Variants in ASAP2 observed in about 807,000 individuals in gnomAD.
ASAP2 encodes the protein ArfGAP with SH3 domain, ankyrin repeat and PH domain 2.
ASAP2 carries 45 observed loss-of-function variants against 131.4 expected under a neutral mutation model. The observed-to-expected ratio is 0.34, with a 90% CI of 0.27 to 0.44. The LOEUF is 0.44. Among genes scored for constraint, ASAP2 ranks in the 20% least tolerant of loss-of-function variants. ASAP2 has a pLI of 1.00. For missense variants in ASAP2, 1,011 were observed against 1,297.0 expected, an observed-to-expected ratio of 0.78 and a Z score of 3.39; for synonymous variants, 510 against 503.0, an observed-to-expected ratio of 1.01 and a Z score of -0.19.
At chr2:9,366,014 G>A (rs984046266) in intron 15 of ASAP2, among the ~76,000 whole-genome samples, 1 of 152,156 alleles carries the variant, frequency 6.6e-6, no homozygotes, top group Non-Finnish European at 1.5e-5. Flanking sequence ...TGAGAAGCAG[G>A]AGATGCCAGG....
rs185697790 is a variant in ASAP2, at chr2:9,341,309, C to T, written c.850-3223C>T. On this transcript the variant is annotated intron_variant, in intron 9 of 27. Coordinates refer to ENST00000281419, the MANE Select transcript of ASAP2 (RefSeq NM_003887.3). ...TCACCTAGAGGATACTGAAGTAATT[C>T]GCACTAAAACAGTTTCAATTTTATG... is the stretch of plus-strand genomic sequence containing the variant. Among the ~76,000 whole-genome samples, 320 of 152,230 alleles carry T rather than the reference C, an allele frequency of 2.1e-3. 1 individual carries two copies. The highest frequency in any genetic ancestry group is 2.9e-3 in the Non-Finnish European group (197 of 68,004).
chr2:9,211,663 C>T (rs1343178197), intron 1 of ASAP2, among the ~76,000 whole-genome samples: 1 of 152,158 alleles, frequency 6.6e-6, no homozygotes, highest in Non-Finnish European at 1.5e-5. Context: ...CTGTCATAAG[C>T]ACAGGGTTCT....
chr2:9,362,839 C>G (rs930234779), intron 15 of ASAP2, among the ~76,000 whole-genome samples: 2 of 152,088 alleles, frequency 1.3e-5, no homozygotes, highest in Non-Finnish European at 2.9e-5. Flanking sequence ...GTGAGACTGT[C>G]TCAAAACAAA....
At chr2:9,331,392 T>C (rs1670828565) in intron 7 of ASAP2, among the ~76,000 whole-genome samples, 1 of 152,232 alleles carries the variant, frequency 6.6e-6, no homozygotes, top group Admixed American at 6.5e-5. Flanking sequence ...ACTTGTCTTA[T>C]TAGTCTTTGC....
At chr2:9,393,763 C>CAT (rs1293618576) in intron 24 of ASAP2, 116 bp downstream of exon 24, 1 of 1,124,624 alleles carries the variant, frequency 8.9e-7, no homozygotes, top group Non-Finnish European at 1.2e-6. Context: ...GTGGGCGCCA[C>CAT]ATAACTAATT....
In ASAP2 at chr2:9,356,072, T is replaced by A. The variant is rs1337699046; in HGVS notation, c.1137T>A (p.Ala379=). ...ATGACAGAACTTACCACTTTCAAGC[T>A]GAAGATGAACAGGAATGTCAAATGT... ...ISHDRTYHFQ[A]EDEQECQIWM... is the part of the protein sequence containing the mutation. Residue 379 remains alanine, a synonymous_variant, in exon 13 of 28, where the codon GCT becomes GCA. Coordinates refer to ENST00000281419, the MANE Select transcript of ASAP2 (RefSeq NM_003887.3). 2.5e-6 allele frequency: 4 copies of A among 1,614,212 alleles called. No individual in the cohort carries two copies. The highest frequency in any genetic ancestry group is 3.4e-6 in the Non-Finnish European group (4 of 1,180,042).
intron 20 of ASAP2, among the ~76,000 whole-genome samples, chr2:9,384,861 G>A (rs1391633256): frequency 6.6e-6 from 1 of 152,212 alleles, no homozygotes; most frequent in African/African-American, 2.4e-5. Flanking sequence ...TCTGGGGAGG[G>A]CCTTAAGACC....
rs763555998 is a variant in ASAP2, at chr2:9,207,114, C to G, written c.10C>G (p.Gln4Glu). Reference sequence around the variant, plus strand: ...CCCTCGCGCCGAGGCGATGCCGGACCAGATCTCCGTGTCGGAATTCGTGGC... The same window carrying G: ...CCCTCGCGCCGAGGCGATGCCGGACGAGATCTCCGTGTCGGAATTCGTGGC... MPD[Q>E]ISVSEFVAET... The change falls in exon 1 of 28, where the codon CAG (glutamine) becomes GAG (glutamate). Residue 4 changes from glutamine (Q) to glutamate (E), a missense_variant. Gln to Glu is a conservative substitution (Grantham distance 29). Around this residue, in one of 2 missense-constraint regions of ASAP2, gnomAD observed 359 missense variants for 598.1 expected, o/e 0.60. Transcript: ENST00000281419. This position sits in a 1 kb window ranked among gnomAD's most constrained non-coding sequence, Gnocchi z 4.1. 2.2e-5 allele frequency: 35 copies of G among 1,593,888 alleles called. No individual in the cohort carries two copies. Among genetic ancestry groups the G allele is most frequent in the Non-Finnish European group, 2.6e-6 (3 of 1,171,334 alleles).
intron 14 of ASAP2, among the ~76,000 whole-genome samples, chr2:9,358,055 G>A (rs954338607): frequency 6.6e-6 from 1 of 152,184 alleles, no homozygotes; most frequent in Non-Finnish European, 1.5e-5. Flanking sequence ...GCTGTGAGGG[G>A]AAAACGTGGC....
Position 9,403,298 on chromosome 2 carries a change from G to T in ASAP2, c.2992G>T (p.Val998Leu). Residue 998 changes from valine (V) to leucine (L), a missense_variant, in exon 28 of 28, where the codon GTG becomes TTG. This residue lies in a region of ASAP2 where 652 missense variants were observed against 698.9 expected (regional missense o/e 0.93). Transcript: ENST00000281419. Reference sequence around the variant, plus strand: ...TCCTGGTCGCAAAGGCGCATTCCCGGTGTCATTTGTGCACTTTATCGCTGA... The same window carrying T: ...TCCTGGTCGCAAAGGCGCATTCCCGTTGTCATTTGTGCACTTTATCGCTGA... ...GDPGRKGAFPVSFVHFIAD is the reference protein window; with the variant it reads ...GDPGRKGAFPLSFVHFIAD The T allele has an allele frequency of 6.2e-7, 1 of 1,614,084 alleles. No individual in the cohort carries two copies. Among genetic ancestry groups the T allele is most frequent in the Non-Finnish European group, 8.5e-7 (1 of 1,180,004 alleles).
intron 4 of ASAP2, among the ~76,000 whole-genome samples, chr2:9,319,689 C>T (rs1400538186): frequency 6.6e-6 from 1 of 152,214 alleles, no homozygotes; most frequent in African/African-American, 2.4e-5. Context: ...TTCTGTCTCC[C>T]TGAAGAACCC....
chr2:9,269,131 AT>A (rs1208034596), intron 1 of ASAP2, among the ~76,000 whole-genome samples: 1 of 152,168 alleles, frequency 6.6e-6, no homozygotes, highest in Non-Finnish European at 1.5e-5. Context: ...AGGTACTTAC[AT>A]AAGAGAGGTG....
chr2:9,267,087 TATATC>T (rs1665992152), intron 1 of ASAP2, among the ~76,000 whole-genome samples: 3 of 152,170 alleles, frequency 2.0e-5, no homozygotes, highest in Admixed American at 2.0e-4. Context: ...TTCTTAATAA[TATATC>T]TTATATATAC....
intron 2 of ASAP2, among the ~76,000 whole-genome samples, chr2:9,286,447 A>AAAAATATATAT (rs58605449): frequency 4.0e-5 from 6 of 148,420 alleles, no homozygotes; most frequent in African/African-American, 1.3e-4. Flanking sequence ...GAAAAAAAAA[A>AAAAATATATAT]ATATATATAT....
intron 11 of ASAP2, among the ~76,000 whole-genome samples, chr2:9,346,449 A>G (rs1290635691): frequency 1.3e-5 from 2 of 152,076 alleles, no homozygotes; most frequent in South Asian, 2.1e-4. Flanking sequence ...AAAAAAAAAA[A>G]AAGCCATTCT....
At chr2:9,319,767 G>T (rs1284466193) in intron 4 of ASAP2, among the ~76,000 whole-genome samples, 2 of 152,222 alleles carry the variant, frequency 1.3e-5, no homozygotes, top group Non-Finnish European at 2.9e-5. Context: ...AGTTTTTGAG[G>T]CAGGCTTTAC....
intron 1 of ASAP2, among the ~76,000 whole-genome samples, chr2:9,261,904 C>T (rs981263412): frequency 1.8e-4 from 28 of 152,214 alleles, no homozygotes; most frequent in African/African-American, 6.5e-4. Context: ...CTCCTTTAAC[C>T]CTCAGTGTTC....
At chr2:9,230,240 C>G (rs1280349608) in intron 1 of ASAP2, among the ~76,000 whole-genome samples, 17 of 152,132 alleles carry the variant, frequency 1.1e-4, no homozygotes, top group Non-Finnish European at 5.9e-5. Flanking sequence ...ATTGGCAACA[C>G]CAAATCAGTC....
intron 1 of ASAP2, among the ~76,000 whole-genome samples, chr2:9,253,423 CA>C (rs34987938): frequency 0.22 from 33,627 of 152,090 alleles, 4,066 homozygotes; most frequent in African/African-American, 0.28. Context: ...GTTGGCTTCC[CA>C]AAGTGCTAGG....
Sources: allele counts gnomAD v4.1 joint callset (sites outside exome capture counted in the v4.1 genomes callset), GRCh38; gene constraint gnomAD v4.1.1; regional missense constraint gnomAD v4.1.1; non-coding constraint Gnocchi (gnomAD v3.1); transcripts MANE v1.5; gene names NCBI Gene and HGNC (gene_info 2026-07-23, HGNC 2026-07-21).